COL19A1: variants seen among roughly 807,000 people sequenced by gnomAD.
The protein encoded by COL19A1 is collagen alpha-1(XIX) chain.
A neutral mutation model predicts 190.2 loss-of-function variants in COL19A1; 159 were observed. The ratio of observed to expected loss-of-function variants is 0.84; its 90% CI spans 0.73 to 0.95. The LOEUF (loss-of-function observed/expected upper bound fraction) is 0.95, where lower values mean the gene tolerates loss of function less well. Among genes scored for constraint, COL19A1 ranks in the 40% least tolerant of loss-of-function variants. The pLI is 0.00. For missense variants in COL19A1, 1,418 were observed against 1,431.9 expected, an observed-to-expected ratio of 0.99 and a Z score of 0.16; for synonymous variants, 509 against 458.9, an observed-to-expected ratio of 1.11 and a Z score of -1.39.
At chr6:70,010,641 G>C (rs1442869585) in intron 11 of COL19A1, among the ~76,000 whole-genome samples, 1 of 139,454 alleles carries the variant, frequency 7.2e-6, no homozygotes, top group Non-Finnish European at 1.5e-5. Context: ...CGAATATTGC[G>C]CTTTTCAGAC....
At chr6:70,000,786 T>G (rs902435493) in intron 11 of COL19A1, among the ~76,000 whole-genome samples, 1 of 152,180 alleles carries the variant, frequency 6.6e-6, no homozygotes, top group Non-Finnish European at 1.5e-5. Context: ...GTCACATGGG[T>G]AGATTGAAAA....
At chr6:69,934,728 CTG>C (rs201996917) in intron 7 of COL19A1, among the ~76,000 whole-genome samples, 2,543 of 151,940 alleles carry the variant, frequency 0.017, 19 homozygotes, top group Middle Eastern at 0.034. Flanking sequence ...TAAGGAAAGA[CTG>C]TATTTTTGCT....
intron 48 of COL19A1, among the ~76,000 whole-genome samples, chr6:70,197,060 G>A (rs1435736989): frequency 2.0e-5 from 3 of 151,944 alleles, no homozygotes; most frequent in Non-Finnish European, 4.4e-5. Context: ...TATTAAAGAG[G>A]AAAAATTAGT....
At chr6:69,883,783 C>T (rs1768725992) in intron 2 of COL19A1, among the ~76,000 whole-genome samples, 1 of 152,110 alleles carries the variant, frequency 6.6e-6, no homozygotes, top group African/African-American at 2.4e-5. Context: ...CCTCTGTGTC[C>T]AGAGAGCAAC....
intron 1 of COL19A1, among the ~76,000 whole-genome samples, chr6:69,873,056 A>G (rs1767931924): frequency 6.6e-6 from 1 of 152,174 alleles, no homozygotes; most frequent in Admixed American, 6.5e-5. Context: ...TATGTGTAAT[A>G]TGCGGATATA....
At chr6:69,907,427 G>A (rs1770637722) in intron 4 of COL19A1, among the ~76,000 whole-genome samples, 1 of 152,056 alleles carries the variant, frequency 6.6e-6, no homozygotes, top group South Asian at 2.1e-4. Flanking sequence ...ACTGCGCCCG[G>A]CTGATTTTTA....
intron 16 of COL19A1, among the ~76,000 whole-genome samples, chr6:70,118,271 C>A (rs532784057): frequency 3.3e-5 from 5 of 152,242 alleles, no homozygotes; most frequent in African/African-American, 1.2e-4. Flanking sequence ...AATTCTGAAA[C>A]CCCAAGGTTG....
intron 11 of COL19A1, among the ~76,000 whole-genome samples, chr6:69,990,164 A>G (rs1227790731): frequency 6.6e-6 from 1 of 152,056 alleles, no homozygotes; most frequent in Non-Finnish European, 1.5e-5. Context: ...AGAATAAAAT[A>G]TTGAACACCT....
At chr6:70,081,362 A>C (rs902892129) in intron 15 of COL19A1, among the ~76,000 whole-genome samples, 1 of 152,200 alleles carries the variant, frequency 6.6e-6, no homozygotes, top group African/African-American at 2.4e-5. Context: ...TTTCTTTACC[A>C]CATCATTTTC....
rs747968482 is a variant in COL19A1 at position 70,144,691 on chromosome 6, A to G, written c.1681-227A>G. On this transcript the variant is annotated intron_variant, in intron 24 of 50. Coordinates refer to ENST00000620364, the MANE Select transcript of COL19A1 (RefSeq NM_001858.6). Reference sequence around the variant, plus strand: ...TTGTGCATACACATGCATATGTTTCATGATACTGCTAACATAACTAACTGC... The same window carrying G: ...TTGTGCATACACATGCATATGTTTCGTGATACTGCTAACATAACTAACTGC... Among the ~76,000 whole-genome samples the G allele has an allele frequency of 3.2e-4, 49 of 152,210 alleles. 1 individual carries two copies. Among genetic ancestry groups the G allele is most frequent in the Admixed American group, 3.3e-4 (5 of 15,278 alleles).
chr6:70,108,524 G>C (rs1025602712), intron 16 of COL19A1, among the ~76,000 whole-genome samples: 4 of 152,066 alleles, frequency 2.6e-5, no homozygotes, highest in Admixed American at 2.6e-4. Flanking sequence ...GAAATTTTTC[G>C]ATGTTTGAAG....
chr6:70,043,358 AT>A (rs1438142330), intron 14 of COL19A1, among the ~76,000 whole-genome samples: 1 of 151,738 alleles, frequency 6.6e-6, no homozygotes, highest in East Asian at 1.9e-4. Context: ...TGCCTGGCTA[AT>A]TTTTTTGTAC....
intron 15 of COL19A1, among the ~76,000 whole-genome samples, chr6:70,092,920 G>C (rs1452469220): frequency 1.3e-5 from 2 of 152,014 alleles, no homozygotes; most frequent in Non-Finnish European, 2.9e-5. Flanking sequence ...CCTGTTTCAC[G>C]GGCTTAGCCT....
At chr6:70,061,829 T>C (rs1780845965) in intron 14 of COL19A1, among the ~76,000 whole-genome samples, 1 of 152,082 alleles carries the variant, frequency 6.6e-6, no homozygotes, top group East Asian at 1.9e-4. Flanking sequence ...AGAGCCAAGA[T>C]CGTGTCAGGC....
At position 69,936,832 on chromosome 6, in the gene COL19A1, T is replaced by G; in HGVS notation, c.795T>G (p.Thr265=). The change falls in exon 8 of 51, where the codon ACT becomes ACG. Residue 265 remains threonine, a synonymous_variant. Coordinates refer to ENST00000620364, the MANE Select transcript of COL19A1 (RefSeq NM_001858.6). The part of the protein sequence containing the change: ...GFGNIASSWV[T]AHASKMSSYL... The stretch of plus-strand genomic sequence containing the variant: ...GAAATATTGCATCATCATGGGTAAC[T>G]GCTCATGCCAGTAAAATGTCTTCAT... 1 of 1,613,208 alleles carries G rather than the reference T, an allele frequency of 6.2e-7. No individual in the cohort carries two copies. The highest frequency in any genetic ancestry group is 8.5e-7 in the Non-Finnish European group (1 of 1,179,320).
At chr6:69,975,169 C>T (rs1775646577) in intron 11 of COL19A1, among the ~76,000 whole-genome samples, 1 of 152,156 alleles carries the variant, frequency 6.6e-6, no homozygotes, top group Admixed American at 6.5e-5. Context: ...TGAACATTTT[C>T]ATGTAAGTAT....
chr6:70,081,383 C>G (rs1782243889), intron 15 of COL19A1, among the ~76,000 whole-genome samples: 1 of 152,038 alleles, frequency 6.6e-6, no homozygotes, highest in Non-Finnish European at 1.5e-5. Flanking sequence ...AACAACAAGG[C>G]ACATTTTCTA....
chr6:69,979,965 C>A (rs182331120), intron 11 of COL19A1, among the ~76,000 whole-genome samples: 1 of 151,662 alleles, frequency 6.6e-6, no homozygotes. Context: ...AAAATTATAA[C>A]CTTAAAAGTT....
intron 11 of COL19A1, among the ~76,000 whole-genome samples, chr6:69,980,030 A>G (rs974307758): frequency 1.3e-5 from 2 of 152,128 alleles, no homozygotes; most frequent in African/African-American, 4.8e-5. Flanking sequence ...GAATTCCAAC[A>G]TGTTTTAAAT....
Sources: gnomAD v4.1 joint callset for allele counts (sites outside exome capture counted in the v4.1 genomes callset) on GRCh38, gnomAD v4.1.1 for gene constraint, MANE v1.5 for transcripts, NCBI Gene and HGNC (gene_info 2026-07-23, HGNC 2026-07-21) for gene names.